CELF2: variants seen among roughly 807,000 people sequenced by gnomAD.
CELF2 encodes the protein CUGBP Elav-like family member 2.
A neutral mutation model predicts 62.6 loss-of-function variants in CELF2; 8 were observed. That is an observed-to-expected ratio of 0.13 (90% confidence interval 0.07 to 0.23). CELF2 has a LOEUF of 0.23. Ranked by LOEUF, CELF2 falls within the 10% of genes least tolerant of loss-of-function variation. The pLI, the probability that CELF2 is intolerant of heterozygous loss-of-function variation, is 1.00. For missense variants in CELF2, 333 were observed against 671.0 expected, an observed-to-expected ratio of 0.50 and a Z score of 5.56; for synonymous variants, 258 against 250.0, an observed-to-expected ratio of 1.03 and a Z score of -0.30.
At chr10:10,529,392 A>G in the CELF2 span, among the ~76,000 whole-genome samples, 4 of 152,212 alleles carry the variant, frequency 2.6e-5, no homozygotes, top group African/African-American at 4.8e-5. Context: ...GGTAGAAAGA[A>G]GGTGAGTGTG....
chr10:11,264,667 C>T (rs891744094), intron 5 of CELF2, among the ~76,000 whole-genome samples: 1 of 152,224 alleles, frequency 6.6e-6, no homozygotes, highest in Non-Finnish European at 1.5e-5. Context: ...ACTGGATCAC[C>T]TCAGAGCTCA....
At chr10:11,111,033 G>A (rs1213005950) in intron 1 of CELF2, among the ~76,000 whole-genome samples, 1 of 152,284 alleles carries the variant, frequency 6.6e-6, no homozygotes, top group East Asian at 1.9e-4. Flanking sequence ...ATTCGGTTAG[G>A]ATGTACTCTC....
intron 1 of CELF2, chr10:10,919,903 A>G (rs1378773418): frequency 9.2e-7 from 1 of 1,091,322 alleles, no homozygotes; most frequent in Non-Finnish European, 1.2e-6. Flanking sequence ...GATTAAATAC[A>G]TTTTCATAAT....
chr10:11,053,325 A>G (rs551769165), intron 1 of CELF2, among the ~76,000 whole-genome samples: 23 of 152,280 alleles, frequency 1.5e-4, no homozygotes, highest in Non-Finnish European at 2.5e-4. Context: ...GAATACTCTG[A>G]TCTCTCTCAG....
At chr10:10,704,206 C>G in the CELF2 span, among the ~76,000 whole-genome samples, 1 of 152,202 alleles carries the variant, frequency 6.6e-6, no homozygotes, top group African/African-American at 2.4e-5. Context: ...CGACAGTACA[C>G]TGACTGATGT....
At chr10:10,973,264 G>A (rs578028673) in intron 2 of CELF2, among the ~76,000 whole-genome samples, 1 of 150,594 alleles carries the variant, frequency 6.6e-6, no homozygotes, top group Non-Finnish European at 1.5e-5. Context: ...CTGGGGGACA[G>A]AGGGAGACTC....
chr10:10,513,937 G>C, the CELF2 span, among the ~76,000 whole-genome samples: 1 of 152,140 alleles, frequency 6.6e-6, no homozygotes, highest in East Asian at 1.9e-4. Flanking sequence ...TCTAAGCTAA[G>C]CCTCGATCCC....
chr10:10,689,949 C>A, the CELF2 span, among the ~76,000 whole-genome samples: 1,197 of 152,190 alleles, frequency 7.9e-3, 6 homozygotes, highest in South Asian at 0.015. Context: ...AAGCACCAGT[C>A]AGATCTACAT....
chr10:10,802,050 T>A (rs939598295), intron 1 of CELF2, among the ~76,000 whole-genome samples: 21 of 152,154 alleles, frequency 1.4e-4, no homozygotes, highest in African/African-American at 4.3e-4. Context: ...ATTTTCAACA[T>A]TCTCCCATTT....
the CELF2 span, among the ~76,000 whole-genome samples, chr10:10,701,296 A>T: frequency 1.3e-5 from 2 of 152,250 alleles, no homozygotes; most frequent in African/African-American, 4.8e-5. Flanking sequence ...AGATGCAAAT[A>T]TCCCCAGGAA....
At chr10:11,179,001 T>C (rs1375279963) in intron 2 of CELF2, among the ~76,000 whole-genome samples, 2 of 152,228 alleles carry the variant, frequency 1.3e-5, no homozygotes, top group Non-Finnish European at 2.9e-5. Flanking sequence ...CCCAGGAACA[T>C]TGCCCCCATT....
the CELF2 span, among the ~76,000 whole-genome samples, chr10:10,748,873 A>G: frequency 1.3e-5 from 2 of 151,904 alleles, no homozygotes; most frequent in African/African-American, 2.4e-5. Flanking sequence ...GGTTGTGGAG[A>G]TAAACAGATG....
chr10:11,140,424 G>A (rs936738490), intron 1 of CELF2, among the ~76,000 whole-genome samples: 12 of 151,812 alleles, frequency 7.9e-5, no homozygotes, highest in Non-Finnish European at 1.2e-4. Context: ...AGACATTTAA[G>A]TGCCCCATTT....
the CELF2 span, among the ~76,000 whole-genome samples, chr10:10,463,939 G>T: frequency 4.2e-5 from 6 of 142,806 alleles, no homozygotes; most frequent in African/African-American, 7.8e-5. Flanking sequence ...GTTACCAAAT[G>T]TCCATTAAAA....
intron 3 of CELF2, among the ~76,000 whole-genome samples, chr10:11,241,940 T>C (rs995633004): frequency 9.2e-5 from 14 of 152,234 alleles, no homozygotes; most frequent in African/African-American, 3.4e-4. Flanking sequence ...CTTTGGCGTT[T>C]CATAGTCAAT....
intron 1 of CELF2, among the ~76,000 whole-genome samples, chr10:11,032,232 T>A (rs1053034175): frequency 2.0e-5 from 3 of 151,116 alleles, no homozygotes; most frequent in Non-Finnish European, 2.9e-5. Flanking sequence ...AACCTGGCTT[T>A]GGTACCAGAA....
chr10:11,150,911 GTAAT>G (rs1377167401), intron 1 of CELF2, among the ~76,000 whole-genome samples: 1 of 152,208 alleles, frequency 6.6e-6, no homozygotes, highest in Non-Finnish European at 1.5e-5. Flanking sequence ...AAGAAGAACA[GTAAT>G]TATTTCAGTA....
intron 1 of CELF2, among the ~76,000 whole-genome samples, chr10:11,020,856 G>A (rs1482413736): frequency 6.6e-6 from 1 of 152,168 alleles, no homozygotes; most frequent in Non-Finnish European, 1.5e-5. Context: ...TAGAATTGCT[G>A]TAACATATGC....
chr10:10,993,399 G>A lies in CELF2; in HGVS notation c.89+73400G>A, dbSNP rs1025854623. Among the ~76,000 whole-genome samples, 3 of 152,090 alleles carry A rather than the reference G, an allele frequency of 2.0e-5. No individual in the cohort carries two copies. The highest frequency in any genetic ancestry group is 2.9e-5 in the Non-Finnish European group (2 of 68,020). ...AACACTTTCAGGGCAGGTGATATTT[G>A]AACTGCAACTGTAAGGATGAGCAGG... On this transcript the variant is annotated intron_variant, in intron 2 of 13. Coordinates refer to the CELF2 transcript ENST00000636488. The surrounding 1 kb of genome is among the most constrained non-coding windows in gnomAD (Gnocchi z 5.3).
Sources: allele counts gnomAD v4.1 joint callset (sites outside exome capture counted in the v4.1 genomes callset), GRCh38; gene constraint gnomAD v4.1.1; non-coding constraint Gnocchi (gnomAD v3.1); transcripts MANE v1.5; gene names NCBI Gene and HGNC (gene_info 2026-07-23, HGNC 2026-07-21).